The following TBC1D5 variants were observed in gnomAD, a reference collection of about 807,000 sequenced individuals.
TBC1D5 encodes TBC1 domain family, member 5.
TBC1D5 carries 75 observed loss-of-function variants against 100.3 expected under a neutral mutation model. The ratio of observed to expected loss-of-function variants is 0.75; its 90% confidence interval spans 0.62 to 0.91. The LOEUF is 0.91. Ranked by LOEUF, TBC1D5 falls within the 40% of genes least tolerant of loss-of-function variation. The pLI, the probability that TBC1D5 is intolerant of heterozygous loss-of-function variation, is 0.00. For synonymous variants in TBC1D5, 323 were observed against 325.6 expected (o/e 0.99, Z 0.09); for missense variants, 910 against 942.4 (o/e 0.97, Z 0.45).
chr3:17,582,268 G>A lies in TBC1D5; in HGVS notation c.-36+41581C>T, dbSNP rs554282539. ...AAGACTGGCTTCAAATTTCTCAGGA[G>A]GAATAATGGATAGTAGAAAAAATTA... On this transcript the variant is annotated intron_variant, in intron 2 of 21. Transcript: ENST00000253692. Among the ~76,000 whole-genome samples the A allele has an allele frequency of 2.6e-5, 4 of 152,250 alleles. No homozygotes were observed. In the South Asian group the frequency reaches 6.2e-4, roughly 24 times the overall value.
At chr3:17,565,127 T>C (rs1357739028) in intron 2 of TBC1D5, among the ~76,000 whole-genome samples, 2 of 152,158 alleles carry the variant, frequency 1.3e-5, no homozygotes, top group African/African-American at 4.8e-5. Context: ...AGGAACTGCA[T>C]TTAATGGAAC....
At chr3:17,399,159 TG>T (rs2093584623) in intron 8 of TBC1D5, among the ~76,000 whole-genome samples, 1 of 152,062 alleles carries the variant, frequency 6.6e-6, no homozygotes, top group Non-Finnish European at 1.5e-5. Context: ...AAAAGGGAAC[TG>T]GGTATGTATT....
intron 19 of TBC1D5, among the ~76,000 whole-genome samples, chr3:17,171,147 C>T (rs1226000528): frequency 6.6e-6 from 1 of 152,028 alleles, no homozygotes; most frequent in Non-Finnish European, 1.5e-5. Context: ...GTGGTGCTTG[C>T]AGGGGTAAGT....
intron 2 of TBC1D5, among the ~76,000 whole-genome samples, chr3:17,601,623 T>C (rs1317698912): frequency 2.6e-5 from 4 of 152,018 alleles, no homozygotes; most frequent in African/African-American, 9.7e-5. Flanking sequence ...ATACCTGGGG[T>C]TGGGATGAGT....
chr3:17,737,725 C>T (rs558712761), intron 1 of TBC1D5, among the ~76,000 whole-genome samples: 1 of 150,054 alleles, frequency 6.7e-6, no homozygotes, highest in Admixed American at 6.7e-5. Context: ...TCATCACTAG[C>T]AAAAAAGTAA....
chr3:17,292,943 A>C (rs1450650491), intron 14 of TBC1D5, among the ~76,000 whole-genome samples: 2 of 152,226 alleles, frequency 1.3e-5, no homozygotes, highest in Admixed American at 6.5e-5. Flanking sequence ...AATTAGAAAT[A>C]TCTTTGATTT....
Position 17,460,065 on chromosome 3 carries a change from T to A in TBC1D5, c.98-31546A>T, listed in dbSNP as rs560247160. On this transcript the variant is annotated intron_variant, in intron 3 of 21. Coordinates refer to ENST00000253692, the Ensembl canonical transcript of TBC1D5. ...TCTTTGTATTCTAAAAGGTAAACTT[T>A]TCAGTACGCACTGTTTCACTGGAGT... is the stretch of plus-strand genomic sequence containing the variant. Among the ~76,000 whole-genome samples the A allele has an allele frequency of 2.0e-5, 3 of 152,370 alleles. No homozygotes were observed. The East Asian group carries it at 5.8e-4, about 29-fold the overall frequency.
intron 2 of TBC1D5, among the ~76,000 whole-genome samples, chr3:17,539,581 T>G (rs925381582): frequency 6.6e-5 from 10 of 152,134 alleles, no homozygotes; most frequent in African/African-American, 2.4e-4. Flanking sequence ...CAAAAAGTCG[T>G]AAGATCTCTG....
At chr3:17,407,005 T>C (rs1385828948) in intron 4 of TBC1D5, among the ~76,000 whole-genome samples, 3 of 152,112 alleles carry the variant, frequency 2.0e-5, no homozygotes, top group South Asian at 4.1e-4. Flanking sequence ...ACTTTAACTG[T>C]TAGTGCTGCT....
At chr3:17,656,360 C>A (rs2066062747) in intron 1 of TBC1D5, among the ~76,000 whole-genome samples, 1 of 152,156 alleles carries the variant, frequency 6.6e-6, no homozygotes, top group Admixed American at 6.6e-5. Context: ...TATGGAGAAA[C>A]CTCCCTTCTG....
At chr3:17,446,157 T>C (rs189543525) in intron 3 of TBC1D5, among the ~76,000 whole-genome samples, 12 of 116,752 alleles carry the variant, frequency 1.0e-4, no homozygotes, top group African/African-American at 4.1e-4. Flanking sequence ...TTTCTTTAGG[T>C]TATTTCTCCC....
intron 2 of TBC1D5, among the ~76,000 whole-genome samples, chr3:17,585,243 A>T (rs771722613): frequency 1.3e-5 from 2 of 152,260 alleles, no homozygotes; most frequent in Non-Finnish European, 2.9e-5. Flanking sequence ...ACTAGAAGAG[A>T]TCACTTTGGG....
chr3:17,698,571 C>A (rs1479913553), intron 1 of TBC1D5, among the ~76,000 whole-genome samples: 5 of 149,494 alleles, frequency 3.3e-5, no homozygotes, highest in East Asian at 2.0e-4. Context: ...AGAGCTTCTG[C>A]ACAGCAAAAG....
At chr3:17,532,824 C>T (rs1350753594) in intron 2 of TBC1D5, among the ~76,000 whole-genome samples, 8 of 105,502 alleles carry the variant, frequency 7.6e-5, no homozygotes, top group Admixed American at 3.8e-4. Context: ...CATCACACAC[C>T]GGGGACTGTT....
At chr3:17,402,545 G>T (rs1411958771) in intron 8 of TBC1D5, among the ~76,000 whole-genome samples, 1 of 152,110 alleles carries the variant, frequency 6.6e-6, no homozygotes, top group East Asian at 1.9e-4. Flanking sequence ...GAAACTGAGA[G>T]GGAAAGATGT....
chr3:17,599,230 CCT>C (rs1409583616), intron 2 of TBC1D5, among the ~76,000 whole-genome samples: 1 of 152,100 alleles, frequency 6.6e-6, no homozygotes, highest in South Asian at 2.1e-4. Flanking sequence ...AAAAGTTATC[CCT>C]GTTTCCCCGC....
chr3:17,648,156 G>A (rs115237451), intron 1 of TBC1D5, among the ~76,000 whole-genome samples: 1,607 of 152,220 alleles, frequency 0.011, 25 homozygotes, highest in African/African-American at 0.036. Context: ...GAACAGAATA[G>A]AGAGCCAAGA....
chr3:17,187,951 A>G (rs1446306050), intron 18 of TBC1D5, among the ~76,000 whole-genome samples: 1 of 152,202 alleles, frequency 6.6e-6, no homozygotes, highest in Non-Finnish European at 1.5e-5. Context: ...AGCCGTTGGG[A>G]GCTTTGATAC....
intron 13 of TBC1D5, chr3:17,340,754 A>G (rs1488590307): frequency 6.6e-6 from 1 of 152,266 alleles, no homozygotes; most frequent in African/African-American, 2.4e-5. Flanking sequence ...TCTAGAGTCA[A>G]TGATGGGGTG....
Sources: allele counts gnomAD v4.1 joint callset (sites outside exome capture counted in the v4.1 genomes callset), GRCh38; gene constraint gnomAD v4.1.1; transcripts MANE v1.5; gene names NCBI Gene and HGNC (gene_info 2026-07-23, HGNC 2026-07-21).